RUNX1: variants seen among roughly 807,000 people sequenced by gnomAD.
RUNX1 encodes the protein runt-related transcription factor 1.
In RUNX1, 19 loss-of-function variants were observed where a neutral mutation model predicts 42.8. The ratio of observed to expected loss-of-function variants is 0.44; its 90% CI spans 0.31 to 0.65. The LOEUF (loss-of-function observed/expected upper bound fraction) is 0.65. Ranked by LOEUF, RUNX1 falls within the 30% of genes least tolerant of loss-of-function variation. RUNX1 has a pLI of 0.07. For synonymous variants in RUNX1, 271 were observed against 289.4 expected (o/e 0.94, Z 0.64); for missense variants, 528 against 672.0 (o/e 0.79, Z 2.37).
intron 2 of RUNX1, among the ~76,000 whole-genome samples, chr21:34,923,799 C>A (rs2058372405): frequency 7.5e-6 from 1 of 132,942 alleles, no homozygotes; most frequent in Non-Finnish European, 1.6e-5. Context: ...CTCCCCACTG[C>A]TGGTCTCTGG....
chr21:34,974,283 G>A (rs79468447), intron 2 of RUNX1, among the ~76,000 whole-genome samples: 3,141 of 152,102 alleles, frequency 0.021, 114 homozygotes, highest in African/African-American at 0.071. Context: ...GGCTGGCCAG[G>A]GGTGCTCATG....
At position 34,810,822 on chromosome 21, in the gene RUNX1, T is replaced by C. The variant is rs536926310; in HGVS notation, c.806-11360A>G. 2.0e-5 allele frequency among the ~76,000 whole-genome samples: 3 copies of C among 152,292 alleles called. No homozygotes were observed. The South Asian group carries it at 6.2e-4, about 32-fold the overall frequency. The stretch of plus-strand genomic sequence containing the variant: ...AAGGATAACAGTGTCTGGAGAGTAC[T>C]GTTGGCTTAGCTGGTTGTTGCTCCA... On this transcript the variant is annotated intron_variant, in intron 7 of 8. Coordinates refer to ENST00000675419, the MANE Select transcript of RUNX1 (RefSeq NM_001754.5).
chr21:34,998,611 G>A (rs747466224), intron 2 of RUNX1, among the ~76,000 whole-genome samples: 6 of 151,650 alleles, frequency 4.0e-5, no homozygotes, highest in Admixed American at 6.6e-5. Flanking sequence ...GCCCAGTCTC[G>A]GCTCACTGCA....
At chr21:34,833,243 T>C (rs1237478683) in intron 7 of RUNX1, 1 of 152,308 alleles carries the variant, frequency 6.6e-6, no homozygotes, top group African/African-American at 2.4e-5. Context: ...TAGCTGGGAC[T>C]ACAGGCACCC....
intron 5 of RUNX1, among the ~76,000 whole-genome samples, chr21:34,874,803 A>C (rs577187196): frequency 6.6e-6 from 1 of 152,144 alleles, no homozygotes; most frequent in Non-Finnish European, 1.5e-5. Flanking sequence ...TATTAGAACC[A>C]GAGCAGGGTT....
intron 2 of RUNX1, among the ~76,000 whole-genome samples, chr21:34,893,165 C>G (rs2058099473): frequency 6.6e-6 from 1 of 152,020 alleles, no homozygotes; most frequent in Non-Finnish European, 1.5e-5. Flanking sequence ...TTTTAGGTAC[C>G]TTCAACCAAT....
intron 2 of RUNX1, among the ~76,000 whole-genome samples, chr21:35,036,142 C>T (rs977617300): frequency 6.6e-6 from 1 of 151,946 alleles, no homozygotes; most frequent in Non-Finnish European, 1.5e-5. Flanking sequence ...CTAAATAAGC[C>T]GGAAGAAGCA....
chr21:34,796,818 A>T (rs575583116), intron 8 of RUNX1, among the ~76,000 whole-genome samples: 110 of 152,332 alleles, frequency 7.2e-4, no homozygotes, highest in African/African-American at 2.5e-3. Context: ...AGAAAAAAAA[A>T]AGTAAACCTC....
At chr21:34,863,186 T>C (rs2057601633) in intron 5 of RUNX1, among the ~76,000 whole-genome samples, 1 of 152,230 alleles carries the variant, frequency 6.6e-6, no homozygotes, top group Non-Finnish European at 1.5e-5. Flanking sequence ...GCAAAACTCA[T>C]ATCCCTGAGC....
intron 6 of RUNX1, among the ~76,000 whole-genome samples, chr21:34,850,153 T>C (rs1329961817): frequency 6.6e-6 from 1 of 152,176 alleles, no homozygotes; most frequent in Non-Finnish European, 1.5e-5. Context: ...CAGGAGTTGA[T>C]GTATTTTAAT....
Position 34,788,864 on chromosome 21 carries a change from A to C in RUNX1, c.*3271T>G, listed in dbSNP as rs992910501. 2.1e-5 allele frequency: 5 copies of C among 233,298 alleles called. No homozygotes were observed. The highest frequency in any genetic ancestry group is 1.2e-4 in the East Asian group (2 of 16,586). The allele number at this position is 233,298 out of a possible 1,614,324, so 14.5% of individuals were successfully genotyped here. On this transcript the variant is annotated 3_prime_UTR_variant, in exon 9 of 9. Transcript: ENST00000675419. ...AAGACCCAAACATGTCATTCCCCCC[A>C]AAAATAAAAACCAACAAAAATAAAA... is the stretch of plus-strand genomic sequence containing the variant.
chr21:34,982,582 T>C (rs746620988), intron 2 of RUNX1, among the ~76,000 whole-genome samples: 1 of 152,192 alleles, frequency 6.6e-6, no homozygotes, highest in African/African-American at 2.4e-5. Flanking sequence ...TTTATTTTTA[T>C]TTTTTGAGAT....
chr21:34,797,615 C>G (rs1281984971), intron 8 of RUNX1, among the ~76,000 whole-genome samples: 3 of 152,230 alleles, frequency 2.0e-5, no homozygotes, highest in Admixed American at 6.5e-5. Context: ...TAAAAGCTGA[C>G]AAGTGCCTTT....
intron 2 of RUNX1, among the ~76,000 whole-genome samples, chr21:34,976,845 A>G (rs377614357): frequency 3.4e-4 from 52 of 151,506 alleles, no homozygotes; most frequent in African/African-American, 1.1e-3. Flanking sequence ...CTGCTAGGTG[A>G]TATCGGTAGA....
chr21:35,036,557 A>G (rs549500842), intron 2 of RUNX1, among the ~76,000 whole-genome samples: 1 of 152,296 alleles, frequency 6.6e-6, no homozygotes, highest in East Asian at 1.9e-4. Context: ...CTTTTATACA[A>G]TAAAGGTGAA....
rs779676539 is a variant in RUNX1, at chr21:34,834,324, T to A, written c.805+86A>T. 7.2e-6 allele frequency: 10 copies of A among 1,381,178 alleles called. No homozygotes were observed. In the East Asian group the frequency reaches 2.3e-4, roughly 32 times the overall value. The allele number at this position is 1,381,178 out of a possible 1,614,324, so 85.6% of individuals were successfully genotyped here. ...CATCAAGGGGAAACCCCAGTTGGTC[T>A]GGGAAGGTGTGTGCACATGGGGGCC... On this transcript the variant is annotated intron_variant, in intron 7 of 8. Coordinates refer to ENST00000675419, the MANE Select transcript of RUNX1 (RefSeq NM_001754.5).
chr21:34,980,363 T>A (rs1315734367), intron 2 of RUNX1, among the ~76,000 whole-genome samples: 1 of 152,158 alleles, frequency 6.6e-6, no homozygotes, highest in Admixed American at 6.5e-5. Context: ...TCACCCCACA[T>A]TTATCAGGTC....
chr21:34,792,309 G>GGGGGCCCCC lies in RUNX1; in HGVS notation c.1268_1269insGGGGGCCCC (p.Arg423_Ser424insGlyAlaPro). 2 of 1,542,478 alleles carry GGGGGCCCCC rather than the reference G, an allele frequency of 1.3e-6. No individual in the cohort carries two copies. The highest frequency in any genetic ancestry group is 1.7e-6 in the Non-Finnish European group (2 of 1,145,398). ...AGGGCGGCAGGATGCGCGGCGGCGA[G>GGGGGCCCCC]CGCTCGCCGCCCACCATGGAGAACT... On this transcript the variant is annotated inframe_insertion, in exon 9 of 9. Transcript: ENST00000675419. The surrounding 1 kb of genome is among the most constrained non-coding windows in gnomAD (Gnocchi z 6.9).
At chr21:34,852,913 C>T (rs2057442817) in intron 6 of RUNX1, among the ~76,000 whole-genome samples, 1 of 152,244 alleles carries the variant, frequency 6.6e-6, no homozygotes, top group Non-Finnish European at 1.5e-5. Flanking sequence ...ATCCTGAGAT[C>T]ACAGATCCAT....
Sources: gnomAD v4.1 joint callset for allele counts (sites outside exome capture counted in the v4.1 genomes callset) on GRCh38, gnomAD v4.1.1 for gene constraint, Gnocchi (gnomAD v3.1) non-coding constraint, MANE v1.5 for transcripts, NCBI Gene and HGNC (gene_info 2026-07-23, HGNC 2026-07-21) for gene names.